Variants in CCDC102B observed in about 807,000 individuals in gnomAD.
The protein encoded by CCDC102B is coiled-coil domain containing 102B.
A neutral mutation model predicts 57.4 loss-of-function variants in CCDC102B; 75 were observed. The ratio of observed to expected loss-of-function variants is 1.31; its 90% CI spans 1.08 to 1.58. CCDC102B has a LOEUF of 1.58. Among genes scored for constraint, CCDC102B ranks in the 40% most tolerant of loss-of-function variants. CCDC102B has a pLI of 0.00. For synonymous variants in CCDC102B, 206 were observed against 201.9 expected (o/e 1.02, Z -0.17); for missense variants, 636 against 582.6 (o/e 1.09, Z -0.94).
chr18:68,739,051 G>A (rs564990872), intron 2 of CCDC102B, among the ~76,000 whole-genome samples: 1 of 150,040 alleles, frequency 6.7e-6, no homozygotes, highest in African/African-American at 2.5e-5. Flanking sequence ...GAGTAGTACA[G>A]TGGTGCAATT....
intron 6 of CCDC102B, among the ~76,000 whole-genome samples, chr18:68,916,981 C>T (rs1251103798): frequency 6.6e-6 from 1 of 151,948 alleles, no homozygotes; most frequent in African/African-American, 2.4e-5. Flanking sequence ...GGTGCAGGCC[C>T]CAGCAGGAAA....
chr18:68,819,104 A>G (rs1189335227), intron 1 of CCDC102B, among the ~76,000 whole-genome samples: 13 of 152,152 alleles, frequency 8.5e-5, no homozygotes, highest in Non-Finnish European at 1.8e-4. Context: ...AGAAATTCAT[A>G]GGTTTAATAA....
chr18:68,952,501 G>A lies in CCDC102B; in HGVS notation c.1263+55073G>A, dbSNP rs373966513. Among the ~76,000 whole-genome samples, 38 of 152,184 alleles carry A rather than the reference G, an allele frequency of 2.5e-4. No individual in the cohort carries two copies. In the East Asian group the frequency reaches 4.8e-3, roughly 19 times the overall value. On this transcript the variant is annotated intron_variant, in intron 6 of 7. Transcript: ENST00000360242. ...CAGTCTGGGATAAAGGAACCAGGAAGGAAAAAGTAAAGTTCTCAAAATGAG... is the reference window on the plus strand; with the variant it reads ...CAGTCTGGGATAAAGGAACCAGGAAAGAAAAAGTAAAGTTCTCAAAATGAG...
At chr18:68,961,312 G>A (rs1019651935) in intron 6 of CCDC102B, among the ~76,000 whole-genome samples, 1 of 151,662 alleles carries the variant, frequency 6.6e-6, no homozygotes, top group Non-Finnish European at 1.5e-5. Context: ...ATACAAAATT[G>A]TTTTATTTAT....
chr18:68,832,246 T>C (rs1452526312), intron 1 of CCDC102B, among the ~76,000 whole-genome samples: 1 of 152,234 alleles, frequency 6.6e-6, no homozygotes, highest in Non-Finnish European at 1.5e-5. Context: ...TGCTTTTCTT[T>C]CTGCCCCATT....
chr18:68,967,680 C>G (rs796614422), intron 6 of CCDC102B, among the ~76,000 whole-genome samples: 1 of 151,938 alleles, frequency 6.6e-6, no homozygotes, highest in Non-Finnish European at 1.5e-5. Context: ...GGTTATGAAA[C>G]GTTTATGTAT....
chr18:68,858,542 TC>T (rs2038587651), intron 4 of CCDC102B, among the ~76,000 whole-genome samples: 2 of 152,298 alleles, frequency 1.3e-5, no homozygotes, highest in East Asian at 3.9e-4. Context: ...CTTGAAGTTC[TC>T]CTACCATCTG....
chr18:69,011,409 C>T (rs1340994095), intron 7 of CCDC102B, among the ~76,000 whole-genome samples: 1 of 151,448 alleles, frequency 6.6e-6, no homozygotes, highest in African/African-American at 2.4e-5. Flanking sequence ...AATATAGGCA[C>T]AGTATCATTA....
At chr18:68,959,501 C>G (rs1484309012) in intron 6 of CCDC102B, among the ~76,000 whole-genome samples, 3 of 152,046 alleles carry the variant, frequency 2.0e-5, no homozygotes, top group Non-Finnish European at 4.4e-5. Context: ...GTGACCACCG[C>G]CTGGTTATTG....
chr18:68,824,220 T>A (rs2036814214), intron 1 of CCDC102B, among the ~76,000 whole-genome samples: 1 of 152,198 alleles, frequency 6.6e-6, no homozygotes, highest in East Asian at 1.9e-4. Flanking sequence ...CATCTTGAGT[T>A]AGTGTTTATG....
chr18:68,823,311 G>A (rs933796098), intron 1 of CCDC102B: 7 of 152,226 alleles, frequency 4.6e-5, no homozygotes, highest in Non-Finnish European at 8.8e-5. Context: ...GTTTGCTTCA[G>A]TAAATCTGTG....
chr18:68,960,774 T>C (rs1288531717), intron 6 of CCDC102B, among the ~76,000 whole-genome samples: 1 of 152,174 alleles, frequency 6.6e-6, no homozygotes, highest in African/African-American at 2.4e-5. Context: ...GTTGTAGCTT[T>C]GCACTGTGAC....
chr18:69,008,115 G>T (rs1449097333), intron 6 of CCDC102B, among the ~76,000 whole-genome samples: 1 of 152,162 alleles, frequency 6.6e-6, no homozygotes, highest in Non-Finnish European at 1.5e-5. Context: ...TATTTGTGCA[G>T]CAAATTCTTT....
chr18:68,782,506 T>C (rs758481487), intron 2 of CCDC102B, among the ~76,000 whole-genome samples: 5 of 152,220 alleles, frequency 3.3e-5, no homozygotes, highest in Non-Finnish European at 7.3e-5. Context: ...CTAATTGCAC[T>C]GCATATTTCT....
chr18:68,983,504 G>T (rs2050647580), intron 6 of CCDC102B, among the ~76,000 whole-genome samples: 1 of 151,842 alleles, frequency 6.6e-6, no homozygotes, highest in South Asian at 2.1e-4. Flanking sequence ...TGTTTTCAGA[G>T]TTCACTATTT....
rs1014611288 is a variant in CCDC102B, at chr18:69,052,105, C to T, written c.1435-1925C>T. ...AAATGCTTGGGACTCTTATGACCAA[C>T]AAAGGAATAGTATGAACATTATAAC... On this transcript the variant is annotated intron_variant, in intron 7 of 7. Coordinates refer to ENST00000360242, the MANE Select transcript of CCDC102B (RefSeq NM_024781.3). Among the ~76,000 whole-genome samples the T allele has an allele frequency of 2.7e-5, 4 of 149,236 alleles. No homozygotes were observed. In the East Asian group the frequency reaches 7.9e-4, roughly 30 times the overall value.
At chr18:68,800,241 A>G (rs73456185) in intron 1 of CCDC102B, among the ~76,000 whole-genome samples, 4,712 of 152,200 alleles carry the variant, frequency 0.031, 231 homozygotes, top group African/African-American at 0.11. Context: ...CTCCAGAGCT[A>G]TTTCCACGAT....
At chr18:69,042,803 T>C (rs2052465198) in intron 7 of CCDC102B, among the ~76,000 whole-genome samples, 1 of 152,100 alleles carries the variant, frequency 6.6e-6, no homozygotes, top group African/African-American at 2.4e-5. Flanking sequence ...TTGAAAAGCA[T>C]AGCTTGAAAA....
chr18:68,742,318 T>A lies in CCDC102B; in HGVS notation c.-67+25724T>A, dbSNP rs1022296258. Reference sequence around the variant, plus strand: ...GTCTTTGTGTCTCTTTTCCTCTTCCTATAAGAGCACCAGTCATATTTGATT... The same window carrying A: ...GTCTTTGTGTCTCTTTTCCTCTTCCAATAAGAGCACCAGTCATATTTGATT... On this transcript the variant is annotated intron_variant, in intron 2 of 3. Coordinates refer to the CCDC102B transcript ENST00000578970. Among the ~76,000 whole-genome samples, 2 of 152,184 alleles carry A rather than the reference T, an allele frequency of 1.3e-5. 1 individual carries two copies. The highest frequency in any genetic ancestry group is 1.3e-4 in the Admixed American group (2 of 15,280).
Sources: gnomAD v4.1 joint callset for allele counts (sites outside exome capture counted in the v4.1 genomes callset) on GRCh38, gnomAD v4.1.1 for gene constraint, MANE v1.5 for transcripts, NCBI Gene and HGNC (gene_info 2026-07-23, HGNC 2026-07-21) for gene names.